SRGAP3: variants seen among roughly 807,000 people sequenced by gnomAD.
The protein encoded by SRGAP3 is SLIT-ROBO Rho GTPase-activating protein 3.
In SRGAP3, 39 loss-of-function variants were observed where a neutral mutation model predicts 121.1. The ratio of observed to expected loss-of-function variants is 0.32; its 90% CI spans 0.25 to 0.42. The LOEUF (loss-of-function observed/expected upper bound fraction) is 0.42. SRGAP3 is among the 10% of genes least tolerant of loss of function. The probability of loss-of-function intolerance (pLI) is 1.00; values close to 1 mark genes in which losing one functional copy is unlikely to be tolerated. For missense variants in SRGAP3, 1,213 were observed against 1,470.6 expected (o/e 0.82, Z 2.86); for synonymous variants, 601 against 570.0 (o/e 1.05, Z -0.77).
intron 3 of SRGAP3, among the ~76,000 whole-genome samples, chr3:9,103,715 C>A (rs1948305329): frequency 6.6e-6 from 1 of 152,198 alleles, no homozygotes; most frequent in Non-Finnish European, 1.5e-5. Flanking sequence ...TTCACAGAGG[C>A]TAAATAACTT....
chr3:9,042,110 A>C (rs1300925370), intron 10 of SRGAP3, among the ~76,000 whole-genome samples: 1 of 152,106 alleles, frequency 6.6e-6, no homozygotes, highest in Admixed American at 6.5e-5. Context: ...CTCAAAAAAA[A>C]AAAAAAAAGA....
intron 1 of SRGAP3, among the ~76,000 whole-genome samples, chr3:9,159,106 T>G (rs1303345336): frequency 1.3e-5 from 2 of 152,144 alleles, no homozygotes; most frequent in African/African-American, 4.8e-5. Context: ...TGTTCTGTAC[T>G]GGGGTCCTCG....
chr3:9,056,295 G>A lies in SRGAP3; in HGVS notation c.1063C>T (p.Leu355=). ...VSAQQPVQTE[L]LMRYHQLQSR... is the part of the protein sequence containing the mutation. The stretch of plus-strand genomic sequence containing the variant: ...TGCAGCTGGTGATAACGCATGAGCA[G>A]TTCTGTCTGGACGGGCTGCTGAGCG... Residue 355 remains leucine (L), a synonymous_variant, in exon 8 of 22, where the codon CTG becomes TTG. Coordinates refer to ENST00000383836, the MANE Select transcript of SRGAP3 (RefSeq NM_014850.4). 6.2e-7 allele frequency: 1 copy of A among 1,613,928 alleles called. No homozygotes were observed. The highest frequency in any genetic ancestry group is 8.5e-7 in the Non-Finnish European group (1 of 1,180,008).
intron 3 of SRGAP3, among the ~76,000 whole-genome samples, chr3:9,260,321 G>A (rs1328235452): frequency 2.0e-5 from 3 of 152,114 alleles, no homozygotes; most frequent in South Asian, 4.2e-4. Flanking sequence ...CCATGGAAAG[G>A]GGGCTGAAGA....
At chr3:9,286,658 A>G (rs1264841895) in intron 3 of SRGAP3, among the ~76,000 whole-genome samples, 2 of 151,882 alleles carry the variant, frequency 1.3e-5, no homozygotes, top group East Asian at 3.9e-4. Flanking sequence ...GCTGGAGTGC[A>G]GTGGCGCGAT....
intron 3 of SRGAP3, among the ~76,000 whole-genome samples, chr3:9,321,263 A>T (rs1356987452): frequency 6.6e-6 from 1 of 151,780 alleles, no homozygotes; most frequent in Non-Finnish European, 1.5e-5. Flanking sequence ...AGTGAACATG[A>T]CCCCAGGCAT....
intron 3 of SRGAP3, among the ~76,000 whole-genome samples, chr3:9,276,593 T>G (rs1954583452): frequency 6.6e-6 from 1 of 152,042 alleles, no homozygotes. Context: ...ACCTGGCTAA[T>G]TTTTTGTATT....
rs566377098 is a variant in SRGAP3 at position 9,213,647 on chromosome 3, T to C, written c.67+35238A>G. Among the ~76,000 whole-genome samples, 33 of 152,272 alleles carry C rather than the reference T, an allele frequency of 2.2e-4. No homozygotes were observed. The South Asian group carries it at 6.4e-3, about 30-fold the overall frequency. On this transcript the variant is annotated intron_variant, in intron 1 of 21. Coordinates refer to ENST00000383836, the MANE Select transcript of SRGAP3 (RefSeq NM_014850.4). ...GGAGAGATCTTTCTAAACCAGAAAA[T>C]TGGTCCCATCACCTCCCTGTTAAAA...
At chr3:9,080,135 A>G in intron 3 of SRGAP3, 48 bp from the exon 4 acceptor site, 10 of 1,593,824 alleles carry the variant, frequency 6.3e-6, no homozygotes, top group Non-Finnish European at 8.6e-6. Flanking sequence ...TTTGCTGGCT[A>G]CATTTACCAA....
chr3:8,990,563 C>T lies in SRGAP3; in HGVS notation c.2835G>A (p.Arg945=), dbSNP rs761802429. ...HSMRSTCGST[R]HSSLGDHKSL... ...ACTTGTGGTCCCCTAGGCTGCTGTGCCTGGTGGAACCGCAGGTCGACCTCA... is the reference window on the plus strand; with the variant it reads ...ACTTGTGGTCCCCTAGGCTGCTGTGTCTGGTGGAACCGCAGGTCGACCTCA... Residue 945 remains arginine (R), a synonymous_variant, in exon 21 of 22, where the codon AGG becomes AGA. Coordinates refer to ENST00000383836, the MANE Select transcript of SRGAP3 (RefSeq NM_014850.4). 1.3e-6 allele frequency: 2 copies of T among 1,583,480 alleles called. No homozygotes were observed. Among genetic ancestry groups the T allele is most frequent in the African/African-American group, 1.3e-5 (1 of 74,596 alleles).
chr3:9,090,309 C>G (rs778243983), intron 3 of SRGAP3, among the ~76,000 whole-genome samples: 5 of 151,992 alleles, frequency 3.3e-5, no homozygotes, highest in African/African-American at 4.8e-5. Context: ...ACAAAAGGAG[C>G]TCTGTAAATG....
intron 3 of SRGAP3, chr3:9,257,057 T>C: frequency 5.1e-6 from 2 of 391,816 alleles, no homozygotes; most frequent in Non-Finnish European, 9.0e-6. Flanking sequence ...CTTTATCTAT[T>C]CCTCAGTTAG....
intron 4 of SRGAP3, among the ~76,000 whole-genome samples, chr3:9,078,937 T>G (rs1197564177): frequency 1.3e-5 from 2 of 152,224 alleles, no homozygotes; most frequent in Non-Finnish European, 2.9e-5. Context: ...ATGCCTTGCC[T>G]AGAGTTCCGT....
chr3:9,029,315 G>A (rs75556776), intron 12 of SRGAP3, among the ~76,000 whole-genome samples: 2,274 of 152,276 alleles, frequency 0.015, 52 homozygotes, highest in African/African-American at 0.051. Context: ...GAAACAAGAA[G>A]AGGATTCTCC....
intron 1 of SRGAP3, among the ~76,000 whole-genome samples, chr3:9,232,640 A>C (rs1435235170): frequency 6.6e-6 from 1 of 152,208 alleles, no homozygotes; most frequent in African/African-American, 2.4e-5. Context: ...AAAGATACAC[A>C]GCCAAACTGG....
rs573205106 is a variant in SRGAP3 at position 9,030,001 on chromosome 3, A to T, written c.1539+2649T>A. 1.9e-4 allele frequency among the ~76,000 whole-genome samples: 29 copies of T among 151,802 alleles called. No homozygotes were observed. In the South Asian group the frequency reaches 3.3e-3, roughly 17 times the overall value. Reference sequence around the variant, plus strand: ...ACAAAAAAAAAAAAAATTATTTTTTAATCAGCCAAGCATGGTGGTGCATGC... The same window carrying T: ...ACAAAAAAAAAAAAAATTATTTTTTTATCAGCCAAGCATGGTGGTGCATGC... On this transcript the variant is annotated intron_variant, in intron 12 of 21. Transcript: ENST00000383836.
At chr3:9,303,021 C>A (rs1415771782) in intron 3 of SRGAP3, among the ~76,000 whole-genome samples, 5 of 152,124 alleles carry the variant, frequency 3.3e-5, no homozygotes, top group Non-Finnish European at 5.9e-5. Flanking sequence ...AGAAGTTATA[C>A]AGCATTTGTT....
intron 2 of SRGAP3, among the ~76,000 whole-genome samples, chr3:9,327,660 A>G (rs1289528827): frequency 2.0e-5 from 3 of 152,190 alleles, no homozygotes; most frequent in African/African-American, 7.2e-5. Context: ...ATCTAACTCC[A>G]CATGTCCCAG....
At chr3:8,988,813 C>T (rs374526156) in intron 21 of SRGAP3, among the ~76,000 whole-genome samples, 1 of 152,194 alleles carries the variant, frequency 6.6e-6, no homozygotes, top group Non-Finnish European at 1.5e-5. Flanking sequence ...GAGAGCACTA[C>T]CTAGATCCCT....
Sources: allele counts gnomAD v4.1 joint callset (sites outside exome capture counted in the v4.1 genomes callset), GRCh38; gene constraint gnomAD v4.1.1; transcripts MANE v1.5; gene names NCBI Gene and HGNC (gene_info 2026-07-23, HGNC 2026-07-21).